Variants in ABL2 observed in about 807,000 individuals in gnomAD.
ABL2 encodes ABL proto-oncogene 2, non-receptor tyrosine kinase, also known as tyrosine-protein kinase ABL2.
A neutral mutation model predicts 107.7 loss-of-function variants in ABL2; 49 were observed. The ratio of observed to expected loss-of-function variants is 0.45; its 90% confidence interval spans 0.36 to 0.58. ABL2 has a LOEUF of 0.58. Ranked by LOEUF, ABL2 falls within the 20% of genes least tolerant of loss-of-function variation. The probability of loss-of-function intolerance (pLI) is 0.00; values close to 1 mark genes in which losing one functional copy is unlikely to be tolerated. For synonymous variants in ABL2, 549 were observed against 548.6 expected (o/e 1.00, Z -0.01); for missense variants, 1,245 against 1,457.0 (o/e 0.85, Z 2.37).
At chr1:179,129,708 A>G (rs1656094660) in intron 3 of ABL2, among the ~76,000 whole-genome samples, 1 of 151,278 alleles carries the variant, frequency 6.6e-6, no homozygotes, top group South Asian at 2.1e-4. Flanking sequence ...AAATTCTTTG[A>G]TGTCTTTTGT....
chr1:179,124,464 CTTTTTTT>C (rs562899587), intron 4 of ABL2, among the ~76,000 whole-genome samples: 2 of 83,350 alleles, frequency 2.4e-5, no homozygotes, highest in East Asian at 3.9e-4. Context: ...TTAGCTTCTG[CTTTTTTT>C]TTTTTTTTTT....
At position 179,102,654 on chromosome 1, in the gene ABL2, AC is replaced by A; in HGVS notation, c.*5063del. On this transcript the variant is annotated 3_prime_UTR_variant, in exon 12 of 12. Coordinates refer to ENST00000502732, the MANE Select transcript of ABL2 (RefSeq NM_007314.4). ...AAAATCAAGAACAAAAATATAGATA[AC>A]CCTGTCAACCCAATATGAACTCCTG... 1 of 229,710 alleles carries A rather than the reference AC, an allele frequency of 4.4e-6. No individual in the cohort carries two copies. The allele number at this position is 229,710 out of a possible 1,614,324, so 14.2% of individuals were successfully genotyped here.
Position 179,104,133 on chromosome 1 carries a change from T to C in ABL2, c.*3585A>G, listed in dbSNP as rs914693876. 8.6e-6 allele frequency: 2 copies of C among 231,976 alleles called. No homozygotes were observed. Among genetic ancestry groups the C allele is most frequent in the Non-Finnish European group, 1.7e-5 (2 of 117,310 alleles). 14.4% of individuals were successfully genotyped at this position (231,976 alleles called of 1,614,324 possible). A position where few individuals can be genotyped will look rare whatever the true frequency, so the allele number is the denominator to read the frequency against. Reference sequence around the variant, plus strand: ...AATAATAGTAGTAGTAGAACATTTATAGAGTGTGCTCATTGTGTGCCAGGC... The same window carrying C: ...AATAATAGTAGTAGTAGAACATTTACAGAGTGTGCTCATTGTGTGCCAGGC... On this transcript the variant is annotated 3_prime_UTR_variant, in exon 12 of 12. Transcript: ENST00000502732.
rs112677561 is a variant in ABL2 at position 179,126,793 on chromosome 1, A to C, written c.392-121T>G. On this transcript the variant is annotated intron_variant, in intron 3 of 11. Transcript: ENST00000502732. This position sits in a 1 kb window ranked among gnomAD's most constrained non-coding sequence, Gnocchi z 4.4. ...AAAAAGAATCTAGAACTTTTATGCC[A>C]AATTTTTTTTTTAAATAATGAAAAC... 6.2e-4 allele frequency: 692 copies of C among 1,118,468 alleles called. 2 individuals carry two copies. The African/African-American group carries it at 9.8e-3, about 16-fold the overall frequency. 69.3% of individuals were successfully genotyped at this position (1,118,468 alleles called of 1,614,324 possible).
At chr1:179,175,389 A>C (rs1659984382) in intron 1 of ABL2, among the ~76,000 whole-genome samples, 1 of 152,190 alleles carries the variant, frequency 6.6e-6, no homozygotes, top group African/African-American at 2.4e-5. Flanking sequence ...GGTCCCCTTG[A>C]ATGGGTCCTC....
intron 1 of ABL2, among the ~76,000 whole-genome samples, chr1:179,223,012 A>G (rs927878348): frequency 4.5e-4 from 67 of 147,658 alleles, no homozygotes; most frequent in African/African-American, 1.5e-3. Flanking sequence ...CGGGAGGCTG[A>G]GGCAGGTGAA....
chr1:179,161,700 G>A (rs1659078488), intron 1 of ABL2, among the ~76,000 whole-genome samples: 1 of 152,184 alleles, frequency 6.6e-6, no homozygotes, highest in South Asian at 2.1e-4. Flanking sequence ...GACACAGCGA[G>A]ACCCTCTCTC....
intron 2 of ABL2, among the ~76,000 whole-genome samples, chr1:179,131,791 A>G (rs1328160590): frequency 6.6e-6 from 1 of 152,266 alleles, no homozygotes; most frequent in Non-Finnish European, 1.5e-5. Flanking sequence ...CAAAATGGAA[A>G]AAAGAATCTC....
At chr1:179,117,671 C>T (rs1654781858) in intron 7 of ABL2, among the ~76,000 whole-genome samples, 155 bp from the exon 8 acceptor site, 2 of 152,158 alleles carry the variant, frequency 1.3e-5, no homozygotes, top group African/African-American at 4.8e-5. Flanking sequence ...TAGAAAGCCA[C>T]TAATGATATG....
At chr1:179,139,282 G>A (rs1290680688) in intron 1 of ABL2, among the ~76,000 whole-genome samples, 5 of 152,106 alleles carry the variant, frequency 3.3e-5, no homozygotes, top group Non-Finnish European at 5.9e-5. Flanking sequence ...CCCACCGGGA[G>A]GAACGAACAA....
intron 1 of ABL2, among the ~76,000 whole-genome samples, chr1:179,151,960 A>G (rs1459597888): frequency 6.6e-6 from 1 of 152,220 alleles, no homozygotes; most frequent in African/African-American, 2.4e-5. Flanking sequence ...TTTTCTGATT[A>G]TGTAACCATA....
chr1:179,184,380 T>C, intron 1 of ABL2: 1 of 827,182 alleles, frequency 1.2e-6, no homozygotes, highest in Non-Finnish European at 1.9e-6. Flanking sequence ...GATGAAACAT[T>C]CAAGTCAAAC....
intron 1 of ABL2, among the ~76,000 whole-genome samples, chr1:179,134,912 G>A (rs967568488): frequency 2.0e-5 from 3 of 152,174 alleles, no homozygotes; most frequent in Admixed American, 6.5e-5. Flanking sequence ...GTATTTTTTT[G>A]GTGGAGACGG....
intron 1 of ABL2, among the ~76,000 whole-genome samples, chr1:179,192,288 T>C (rs1435591884): frequency 6.6e-6 from 1 of 152,222 alleles, no homozygotes; most frequent in African/African-American, 2.4e-5. Context: ...ACTCTCTAGC[T>C]GTTTCCTATT....
intron 1 of ABL2, among the ~76,000 whole-genome samples, chr1:179,180,478 T>C (rs1660310488): frequency 6.6e-6 from 1 of 152,180 alleles, no homozygotes; most frequent in African/African-American, 2.4e-5. Context: ...AATGAGACTC[T>C]GCTGCTAAGG....
At chr1:179,144,373 A>T (rs2258217) in intron 1 of ABL2, among the ~76,000 whole-genome samples, 53,183 of 151,828 alleles carry the variant, frequency 0.35, 9,683 homozygotes, top group East Asian at 0.48. Flanking sequence ...GGCAGGAGAA[A>T]GGCATGAACC....
chr1:179,171,569 T>C (rs1402630501), intron 1 of ABL2, among the ~76,000 whole-genome samples: 6 of 152,184 alleles, frequency 3.9e-5, no homozygotes, highest in Admixed American at 3.3e-4. Context: ...ATAGCTCAGG[T>C]TGGAGTACAG....
intron 5 of ABL2, among the ~76,000 whole-genome samples, chr1:179,120,675 C>T (rs962722136): frequency 3.3e-5 from 5 of 152,038 alleles, no homozygotes; most frequent in African/African-American, 1.2e-4. Flanking sequence ...CACCTGAGCT[C>T]CCCAAATTGC....
chr1:179,130,726 T>TTTTTTGTGTGTG, intron 3 of ABL2, among the ~76,000 whole-genome samples: 1 of 142,812 alleles, frequency 7.0e-6, no homozygotes, highest in African/African-American at 2.6e-5. Context: ...ATTATTGATT[T>TTTTTTGTGTGTG]TGTGTGTGTG....
Sources: allele counts gnomAD v4.1 joint callset (sites outside exome capture counted in the v4.1 genomes callset), GRCh38; gene constraint gnomAD v4.1.1; non-coding constraint Gnocchi (gnomAD v3.1); transcripts MANE v1.5; gene names NCBI Gene and HGNC (gene_info 2026-07-23, HGNC 2026-07-21).